Variants in PPP2R2A observed in about 807,000 individuals in gnomAD.
The protein encoded by PPP2R2A is protein phosphatase 2 regulatory subunit Balpha.
PPP2R2A carries 9 observed loss-of-function variants against 53.2 expected under a neutral mutation model. The observed-to-expected ratio is 0.17, with a 90% CI of 0.10 to 0.30. PPP2R2A has a LOEUF of 0.30. PPP2R2A is among the 10% of genes least tolerant of loss of function. The pLI is 1.00. For synonymous variants in PPP2R2A, 169 were observed against 174.2 expected, an observed-to-expected ratio of 0.97 and a Z score of 0.23; for missense variants, 235 against 534.6, an observed-to-expected ratio of 0.44 and a Z score of 5.53.
At chr8:26,310,444 G>A (rs1243049839) in intron 2 of PPP2R2A, among the ~76,000 whole-genome samples, 3 of 149,336 alleles carry the variant, frequency 2.0e-5, no homozygotes, top group African/African-American at 7.4e-5. Flanking sequence ...GTTATCAGAC[G>A]TACAGTTTTG....
At chr8:26,322,914 A>G (rs1462538842) in intron 2 of PPP2R2A, among the ~76,000 whole-genome samples, 1 of 152,192 alleles carries the variant, frequency 6.6e-6, no homozygotes, top group African/African-American at 2.4e-5. Context: ...AAATCACTAA[A>G]AAGTCTCCAA....
At chr8:26,368,990 C>A (rs965119103) in intron 9 of PPP2R2A, among the ~76,000 whole-genome samples, 1 of 151,572 alleles carries the variant, frequency 6.6e-6, no homozygotes, top group African/African-American at 2.4e-5. Flanking sequence ...CGCCTGTAGT[C>A]CCAGCTACTC....
chr8:26,331,244 C>T (rs910130610), intron 2 of PPP2R2A, among the ~76,000 whole-genome samples: 5 of 152,158 alleles, frequency 3.3e-5, no homozygotes, highest in Non-Finnish European at 7.3e-5. Flanking sequence ...CTTTTCCTTT[C>T]TAAGAGTATC....
chr8:26,327,429 T>C (rs960328940), intron 2 of PPP2R2A, among the ~76,000 whole-genome samples: 1 of 152,178 alleles, frequency 6.6e-6, no homozygotes, highest in African/African-American at 2.4e-5. Flanking sequence ...CAGGAACAGA[T>C]GAGTAGGTCA....
At chr8:26,363,935 T>TG in intron 8 of PPP2R2A, 45 bp downstream of exon 8, 1 of 1,485,970 alleles carries the variant, frequency 6.7e-7, no homozygotes, top group Non-Finnish European at 9.1e-7. Flanking sequence ...CTGTTTACTT[T>TG]GAAGTGTTTA....
In PPP2R2A at chr8:26,360,084, T is replaced by G; in HGVS notation, c.347-85T>G. The G allele has an allele frequency of 1.5e-6, 1 of 667,034 alleles. No individual in the cohort carries two copies. The allele number at this position is 667,034 out of a possible 1,614,324, so 41.3% of individuals were successfully genotyped here. A position where few individuals can be genotyped will look rare whatever the true frequency, so the allele number is the denominator to read the frequency against. On this transcript the variant is annotated intron_variant, in intron 4 of 9. Transcript: ENST00000380737. This position sits in a 1 kb window ranked among gnomAD's most constrained non-coding sequence, Gnocchi z 4.5. ...TTTTTTTTCGTGGAATCCTTTTACG[T>G]GAAATGTGAAATAGCATATTTTAAA...
At chr8:26,366,123 T>C in intron 8 of PPP2R2A, 192 bp from the exon 9 acceptor site, 2 of 485,878 alleles carry the variant, frequency 4.1e-6, no homozygotes, top group Non-Finnish European at 7.1e-6. Flanking sequence ...AGTAGGAAAA[T>C]GTACCTCCCT....
chr8:26,364,715 G>A (rs958393799), intron 8 of PPP2R2A, among the ~76,000 whole-genome samples: 2 of 152,166 alleles, frequency 1.3e-5, no homozygotes, highest in South Asian at 4.1e-4. Context: ...TGAAACAAAA[G>A]ACAAAATACT....
chr8:26,314,746 T>C lies in PPP2R2A; in HGVS notation c.82+21006T>C, dbSNP rs191699690. On this transcript the variant is annotated intron_variant, in intron 2 of 9. Transcript: ENST00000380737. Reference sequence around the variant, plus strand: ...TGATGTGCTTTGGTGTGGGTCTTTTTCATTAATTGGACTCGTACTCATTGG... The same window carrying C: ...TGATGTGCTTTGGTGTGGGTCTTTTCCATTAATTGGACTCGTACTCATTGG... 4.2e-3 allele frequency among the ~76,000 whole-genome samples: 632 copies of C among 152,276 alleles called. 4 individuals are homozygous for C. Among genetic ancestry groups the C allele is most frequent in the Middle Eastern group, 0.01 (3 of 294 alleles).
intron 3 of PPP2R2A, among the ~76,000 whole-genome samples, chr8:26,344,969 T>C (rs937386910): frequency 2.6e-5 from 4 of 152,194 alleles, no homozygotes; most frequent in Admixed American, 6.5e-5. Context: ...ACAAATTAAA[T>C]TGTTTCATAT....
chr8:26,345,470 A>G (rs1240662463), intron 3 of PPP2R2A, among the ~76,000 whole-genome samples: 1 of 152,198 alleles, frequency 6.6e-6, no homozygotes, highest in Non-Finnish European at 1.5e-5. Flanking sequence ...GGTATATACC[A>G]AAGGCCTGTC....
rs1802818062 is a variant in PPP2R2A at position 26,321,131 on chromosome 8, G to C, written c.83-17759G>C. Among the ~76,000 whole-genome samples the C allele has an allele frequency of 6.6e-6, 1 of 152,218 alleles. No individual in the cohort carries two copies. The highest frequency in any genetic ancestry group is 2.4e-5 in the African/African-American group (1 of 41,454). On this transcript the variant is annotated intron_variant, in intron 2 of 9. Transcript: ENST00000380737. This position sits in a 1 kb window ranked among gnomAD's most constrained non-coding sequence, Gnocchi z 4.1. Reference sequence around the variant, plus strand: ...AGTACAAACAAGAAACATCGTGAGAGAAGGCCTTAGTGTTCATTTCTGTGG... The same window carrying C: ...AGTACAAACAAGAAACATCGTGAGACAAGGCCTTAGTGTTCATTTCTGTGG...
In PPP2R2A at chr8:26,363,814, A is replaced by G; in HGVS notation, c.896A>G (p.Tyr299Cys). 2 of 1,609,378 alleles carry G rather than the reference A, an allele frequency of 1.2e-6. No homozygotes were observed. Among genetic ancestry groups the G allele is most frequent in the Non-Finnish European group, 1.7e-6 (2 of 1,176,494 alleles). ...SDVKFSHSGR[Y>C]MMTRDYLSVK... Reference sequence around the variant, plus strand: ...GTAAAATTCAGCCATAGTGGTCGATATATGATGACTAGAGACTATTTGTCA... The same window carrying G: ...GTAAAATTCAGCCATAGTGGTCGATGTATGATGACTAGAGACTATTTGTCA... The change falls in exon 8 of 10, where the codon TAT becomes TGT. Residue 299 changes from tyrosine (Y) to cysteine (C), a missense_variant. Around this residue, in one of 3 missense-constraint regions of PPP2R2A, gnomAD observed 181 missense variants for 409.9 expected, o/e 0.44. Coordinates refer to ENST00000380737, the MANE Select transcript of PPP2R2A (RefSeq NM_002717.4).
chr8:26,361,493 C>G (rs1805079886), intron 6 of PPP2R2A, among the ~76,000 whole-genome samples: 1 of 152,038 alleles, frequency 6.6e-6, no homozygotes, highest in Admixed American at 6.6e-5. Flanking sequence ...GTAATCCCAG[C>G]GGTTTGGGAG....
chr8:26,297,531 T>C (rs891900831), intron 2 of PPP2R2A, among the ~76,000 whole-genome samples: 2 of 152,206 alleles, frequency 1.3e-5, no homozygotes, highest in African/African-American at 2.4e-5. Context: ...AATTTTTCTT[T>C]TATTGAAAAC....
intron 3 of PPP2R2A, 71 bp downstream of exon 3, chr8:26,339,058 A>C: frequency 8.9e-7 from 1 of 1,129,252 alleles, no homozygotes; most frequent in Non-Finnish European, 1.3e-6. Flanking sequence ...GCACTGGAGA[A>C]TCTCATCAGA....
At chr8:26,333,521 A>G in intron 2 of PPP2R2A, 3 of 1,224,640 alleles carry the variant, frequency 2.4e-6, no homozygotes, top group Non-Finnish European at 3.2e-6. Flanking sequence ...AAGTGGAATT[A>G]TGAAATCAAA....
In PPP2R2A at chr8:26,340,647, G is replaced by A. The variant is rs1304292789; in HGVS notation, c.180+1660G>A. Among the ~76,000 whole-genome samples, 8 of 152,052 alleles carry A rather than the reference G, an allele frequency of 5.3e-5. 1 individual carries two copies. The highest frequency in any genetic ancestry group is 5.2e-4 in the Admixed American group (8 of 15,262). ...GCTAATTTGGAACTATTTTGCCTGA[G>A]AATGAAGTCATTTTCATCTCCTGTG... is the stretch of plus-strand genomic sequence containing the variant. On this transcript the variant is annotated intron_variant, in intron 3 of 9. Coordinates refer to ENST00000380737, the MANE Select transcript of PPP2R2A (RefSeq NM_002717.4).
At position 26,354,564 on chromosome 8, in the gene PPP2R2A, G is replaced by C; in HGVS notation, c.277G>C (p.Glu93Gln). The part of the protein sequence containing the change: ...EFDYLKSLEI[E>Q]EKINKIRWLP... ...TGACTACTTGAAAAGTTTAGAAATA[G>C]AAGAAAAGATCAACAAAATTAGGTG... Residue 93 changes from glutamate (E) to glutamine (Q), a missense_variant, in exon 4 of 10, where the codon GAA (glutamate) becomes CAA (glutamine). This residue lies in a region of PPP2R2A where 3 missense variants were observed against 44.1 expected (regional missense o/e 0.07). Coordinates refer to ENST00000380737, the MANE Select transcript of PPP2R2A (RefSeq NM_002717.4). This position sits in a 1 kb window ranked among gnomAD's most constrained non-coding sequence, Gnocchi z 4.6. 6.2e-7 allele frequency: 1 copy of C among 1,611,062 alleles called. No homozygotes were observed.
Sources: gnomAD v4.1 joint callset for allele counts (sites outside exome capture counted in the v4.1 genomes callset) on GRCh38, gnomAD v4.1.1 for gene constraint, gnomAD v4.1.1 regional missense constraint, Gnocchi (gnomAD v3.1) non-coding constraint, MANE v1.5 for transcripts, NCBI Gene and HGNC (gene_info 2026-07-23, HGNC 2026-07-21) for gene names.